The following SARNP variants were observed in gnomAD, a reference collection of about 807,000 sequenced individuals.
SARNP encodes the protein SAP domain containing ribonucleoprotein, also known as SAP domain-containing ribonucleoprotein.
Under a neutral mutation model 38.1 loss-of-function variants are expected in SARNP, and 5 were observed. That is an observed-to-expected ratio of 0.13 (90% CI 0.07 to 0.28). The LOEUF (loss-of-function observed/expected upper bound fraction) is 0.28. Among genes scored for constraint, SARNP ranks in the 10% least tolerant of loss-of-function variants. The pLI, the probability that SARNP is intolerant of heterozygous loss-of-function variation, is 1.00. For missense variants in SARNP, 180 were observed against 243.9 expected (o/e 0.74, Z 1.75); for synonymous variants, 84 against 80.6 (o/e 1.04, Z -0.23).
At chr12:55,757,150 T>C (rs1052948257), downstream of SARNP, 1 of 163,584 alleles carries the variant, frequency 6.1e-6, no homozygotes, top group Non-Finnish European at 1.3e-5. Context: ...TTTCCTTGTC[T>C]TCTCTTCTAA....
chr12:55,782,496 T>TA (rs1480994999), intron 9 of SARNP, among the ~76,000 whole-genome samples: 3 of 152,242 alleles, frequency 2.0e-5, no homozygotes, highest in African/African-American at 7.2e-5. Context: ...AGCCCAGACT[T>TA]AGTTTTTACC....
At chr12:55,791,648 T>C (rs972613274) in intron 7 of SARNP, among the ~76,000 whole-genome samples, 1 of 151,824 alleles carries the variant, frequency 6.6e-6, no homozygotes, top group Admixed American at 6.6e-5. Context: ...TGAGCTGAGA[T>C]GGCGCCACTG....
At chr12:55,771,031 G>A (rs773530717) in intron 9 of SARNP, among the ~76,000 whole-genome samples, 2 of 151,196 alleles carry the variant, frequency 1.3e-5, no homozygotes, top group Non-Finnish European at 2.9e-5. Context: ...TCTCCTTCCC[G>A]GGTTCAAGTG....
intron 9 of SARNP, among the ~76,000 whole-genome samples, chr12:55,783,659 G>GT (rs1366952662): frequency 4.6e-5 from 7 of 152,230 alleles, no homozygotes; most frequent in African/African-American, 1.7e-4. Context: ...TAGCATACTA[G>GT]TGGAGCTAAA....
intron 10 of SARNP, among the ~76,000 whole-genome samples, chr12:55,759,454 A>G (rs958320555): frequency 8.0e-5 from 12 of 149,752 alleles, no homozygotes; most frequent in African/African-American, 2.7e-4. Context: ...CTCACTCTGT[A>G]GCCCATGTTG....
Position 55,806,037 on chromosome 12 carries a change from C to CAA in SARNP, c.37-2311_37-2310dup, listed in dbSNP as rs1192118341. Among the ~76,000 whole-genome samples, 10 of 107,748 alleles carry CAA rather than the reference C, an allele frequency of 9.3e-5. No homozygotes were observed. The East Asian group carries it at 1.1e-3, about 12-fold the overall frequency. 70.7% of individuals were successfully genotyped at this position (107,748 alleles called of 152,430 possible). ...GGATGCCAAGAACAAAATTCTGTCT[C>CAA]AAAAAAAAAAAAAATTATTTTTAAG... On this transcript the variant is annotated intron_variant, in intron 1 of 10. Coordinates refer to ENST00000336133, the MANE Select transcript of SARNP (RefSeq NM_033082.4).
chr12:55,776,813 A>C (rs1456697292), intron 9 of SARNP, among the ~76,000 whole-genome samples: 1 of 152,226 alleles, frequency 6.6e-6, no homozygotes, highest in Non-Finnish European at 1.5e-5. Context: ...GGTACTTTCA[A>C]AAGAAAAAAG....
chr12:55,793,389 C>T (rs1267035799), intron 7 of SARNP: 1 of 152,102 alleles, frequency 6.6e-6, no homozygotes, highest in Non-Finnish European at 1.5e-5. Context: ...CAAAATTCCA[C>T]CAACCAGAGA....
chr12:55,764,225 T>C (rs572794814), intron 9 of SARNP, among the ~76,000 whole-genome samples: 1 of 152,302 alleles, frequency 6.6e-6, no homozygotes, highest in South Asian at 2.1e-4. Context: ...TTTGTTGAGA[T>C]GTAATAAAAG....
intron 9 of SARNP, among the ~76,000 whole-genome samples, chr12:55,767,505 C>T (rs923962998): frequency 4.6e-5 from 7 of 151,874 alleles, no homozygotes; most frequent in African/African-American, 1.7e-4. Flanking sequence ...GCCATTGTCA[C>T]GCCGCTGCAC....
In SARNP at chr12:55,794,810, G is replaced by T; in HGVS notation, c.374C>A (p.Ala125Asp). Residue 125 changes from alanine (A) to aspartate (D), a missense_variant, in exon 6 of 11, where the codon GCT (alanine) becomes GAT (aspartate). Coordinates refer to ENST00000336133, the MANE Select transcript of SARNP (RefSeq NM_033082.4). ...CCAAAAGGCTGGGGACACTCACCTAGCTGCCCGAGCAGCTTTCTTACTCTC... is the reference window on the plus strand; with the variant it reads ...CCAAAAGGCTGGGGACACTCACCTATCTGCCCGAGCAGCTTTCTTACTCTC... ...SLESKKAARA[A>D]RFGISSVPTK... is the part of the protein sequence containing the mutation. 6.2e-7 allele frequency: 1 copy of T among 1,605,518 alleles called. No homozygotes were observed. Among genetic ancestry groups the T allele is most frequent in the Non-Finnish European group, 8.5e-7 (1 of 1,172,590 alleles).
chr12:55,769,938 T>C (rs1433431405), intron 9 of SARNP, among the ~76,000 whole-genome samples: 1 of 152,192 alleles, frequency 6.6e-6, no homozygotes, highest in Non-Finnish European at 1.5e-5. Flanking sequence ...GACGGGTTTT[T>C]ATCAGGACAT....
At chr12:55,794,783 GC>G in intron 6 of SARNP, 23 bp downstream of exon 6, 1 of 1,444,558 alleles carries the variant, frequency 6.9e-7, no homozygotes, top group Non-Finnish European at 9.7e-7. Flanking sequence ...CCTATCAGAG[GC>G]CCAAAAGGCT....
chr12:55,797,841 T>A lies in SARNP; in HGVS notation c.252-1765A>T, dbSNP rs1012479945. Among the ~76,000 whole-genome samples, 3 of 152,358 alleles carry A rather than the reference T, an allele frequency of 2.0e-5. No homozygotes were observed. In the South Asian group the frequency reaches 6.2e-4, roughly 32 times the overall value. On this transcript the variant is annotated intron_variant, in intron 4 of 10. Transcript: ENST00000336133. ...AATACAGAGACCCAGAATCTTTTTG[T>A]ACATACTTCAGTCTAACCACAACTA...
chr12:55,753,237 C>A (rs1019687954), downstream of SARNP: 9 of 152,216 alleles, frequency 5.9e-5, no homozygotes, highest in African/African-American at 1.9e-4. Flanking sequence ...TTGAGATGAT[C>A]CAGCTAGTGT....
Position 55,757,304 on chromosome 12 carries a change from A to G in SARNP, c.*208T>C, listed in dbSNP as rs1878537227. The G allele has an allele frequency of 9.7e-6, 4 of 411,608 alleles. No individual in the cohort carries two copies. Among genetic ancestry groups the G allele is most frequent in the East Asian group, 7.5e-5 (2 of 26,574 alleles). 25.5% of individuals were successfully genotyped at this position (411,608 alleles called of 1,614,324 possible). A position where few individuals can be genotyped will look rare whatever the true frequency, so the allele number is the denominator to read the frequency against. On this transcript the variant is annotated 3_prime_UTR_variant, in exon 11 of 11. Transcript: ENST00000336133. ...CTATTTTTTTTTATTAACAAGCAAC[A>G]TAATCAAAAACAAAAACACAACAAC...
At chr12:55,800,950 G>C (rs776679971) in intron 2 of SARNP, 50 bp from the exon 3 acceptor site, 1 of 1,444,078 alleles carries the variant, frequency 6.9e-7, no homozygotes, top group South Asian at 1.1e-5. Flanking sequence ...AAACCATCTT[G>C]ATCACTTACC....
chr12:55,778,921 A>G (rs1465932427), intron 9 of SARNP, among the ~76,000 whole-genome samples: 1 of 152,246 alleles, frequency 6.6e-6, no homozygotes, highest in Non-Finnish European at 1.5e-5. Context: ...CAGTGAGCCA[A>G]GATCGTGCCA....
At chr12:55,775,786 C>T (rs560348510) in intron 9 of SARNP, among the ~76,000 whole-genome samples, 7 of 152,228 alleles carry the variant, frequency 4.6e-5, no homozygotes, top group Admixed American at 2.0e-4. Flanking sequence ...CTTCAGCTAT[C>T]AGTCATGAAG....
Sources: allele counts gnomAD v4.1 joint callset (sites outside exome capture counted in the v4.1 genomes callset), GRCh38; gene constraint gnomAD v4.1.1; transcripts MANE v1.5; gene names NCBI Gene and HGNC (gene_info 2026-07-23, HGNC 2026-07-21).